CFAP54: variants seen among roughly 807,000 people sequenced by gnomAD.
CFAP54 encodes the protein cilia- and flagella-associated protein 54.
In CFAP54, 290 loss-of-function variants were observed where a neutral mutation model predicts 370.4. That is an observed-to-expected ratio of 0.78 (90% CI 0.71 to 0.86). The LOEUF (loss-of-function observed/expected upper bound fraction) is 0.86, where lower values mean the gene tolerates loss of function less well. Ranked by LOEUF, CFAP54 falls within the 40% of genes least tolerant of loss-of-function variation. The pLI is 0.00. For synonymous variants in CFAP54, 1,206 were observed against 1,236.5 expected, an observed-to-expected ratio of 0.98 and a Z score of 0.52; for missense variants, 3,399 against 3,528.7, an observed-to-expected ratio of 0.96 and a Z score of 0.93.
chr12:96,704,461 T>C (rs1410881061), intron 46 of CFAP54, among the ~76,000 whole-genome samples: 5 of 25,882 alleles, frequency 1.9e-4, no homozygotes, highest in Non-Finnish European at 3.6e-4. Context: ...TGTATATATA[T>C]ATATATATAT....
chr12:96,874,692 C>G (rs1462616194), intron 67 of CFAP54, among the ~76,000 whole-genome samples: 5 of 129,074 alleles, frequency 3.9e-5, no homozygotes, highest in Non-Finnish European at 7.8e-5. Flanking sequence ...TGCAGTGGCG[C>G]GATCTCGGCT....
chr12:96,727,744 G>A (rs375792786), intron 50 of CFAP54, among the ~76,000 whole-genome samples: 14 of 151,594 alleles, frequency 9.2e-5, no homozygotes, highest in South Asian at 4.2e-4. Flanking sequence ...TATTTTGCTC[G>A]TTAGTTGATG....
chr12:96,632,771 A>G (rs1445153179), intron 32 of CFAP54, among the ~76,000 whole-genome samples: 3 of 152,050 alleles, frequency 2.0e-5, no homozygotes, highest in African/African-American at 4.8e-5. Flanking sequence ...AAACTCTATT[A>G]TGATTTTGAT....
chr12:96,815,261 A>G (rs1427520555), intron 64 of CFAP54, among the ~76,000 whole-genome samples: 1 of 152,100 alleles, frequency 6.6e-6, no homozygotes, highest in Non-Finnish European at 1.5e-5. Context: ...CTGGTGTGAG[A>G]TGGTATCTCA....
chr12:96,691,054 G>A (rs1592710560), intron 43 of CFAP54, 74 bp from the exon 44 acceptor site: 9 of 1,303,170 alleles, frequency 6.9e-6, no homozygotes, highest in Non-Finnish European at 8.7e-6. Context: ...AGCAATACAT[G>A]TATTTATCTT....
chr12:96,758,622 A>G (rs1208668537), intron 58 of CFAP54, among the ~76,000 whole-genome samples: 1 of 152,182 alleles, frequency 6.6e-6, no homozygotes, highest in African/African-American at 2.4e-5. Context: ...ATTTGGAGCT[A>G]GGAATAACTT....
At position 96,600,979 on chromosome 12, in the gene CFAP54, A is replaced by C. The variant is rs576724341; in HGVS notation, c.3639+2212A>C. On this transcript the variant is annotated intron_variant, in intron 26 of 67. Transcript: ENST00000524981. ...TTTCTCTTACCCGATTGACCTGGCCAGAATTTCCAATACTATGTTGAATAG... is the reference window on the plus strand; with the variant it reads ...TTTCTCTTACCCGATTGACCTGGCCCGAATTTCCAATACTATGTTGAATAG... Among the ~76,000 whole-genome samples, 347 of 152,324 alleles carry C rather than the reference A, an allele frequency of 2.3e-3. 1 individual carries two copies. Among genetic ancestry groups the C allele is most frequent in the Admixed American group, 6.5e-3 (100 of 15,296 alleles).
At chr12:96,845,178 T>C (rs1018820248) in intron 66 of CFAP54, among the ~76,000 whole-genome samples, 12 of 152,332 alleles carry the variant, frequency 7.9e-5, no homozygotes, top group African/African-American at 2.6e-4. Context: ...TGTATTAGGC[T>C]TATTTTACCA....
At chr12:96,753,054 T>C (rs1214964381) in intron 55 of CFAP54, among the ~76,000 whole-genome samples, 1 of 152,214 alleles carries the variant, frequency 6.6e-6, no homozygotes, top group African/African-American at 2.4e-5. Flanking sequence ...ATTTAATAAA[T>C]CTTAGCTCTT....
chr12:96,504,431 A>G (rs1198252393), intron 3 of CFAP54, among the ~76,000 whole-genome samples: 5 of 152,246 alleles, frequency 3.3e-5, no homozygotes, highest in African/African-American at 1.2e-4. Context: ...AAATCTATTG[A>G]TATAAAATAT....
chr12:96,581,132 C>A, intron 22 of CFAP54, 27 bp downstream of exon 22: 1 of 1,383,186 alleles, frequency 7.2e-7, no homozygotes, highest in Non-Finnish European at 9.4e-7. Flanking sequence ...CTAATTTTTT[C>A]CACTGTGTTT....
intron 55 of CFAP54, among the ~76,000 whole-genome samples, chr12:96,749,167 A>C (rs76759359): frequency 0.011 from 1,656 of 152,288 alleles, 23 homozygotes; most frequent in African/African-American, 0.037. Context: ...CAAGAGAATA[A>C]TGGAGTAGTA....
chr12:96,742,335 T>C (rs1368653961), intron 51 of CFAP54, 104 bp from the exon 52 acceptor site: 1 of 736,134 alleles, frequency 1.4e-6, no homozygotes, highest in African/African-American at 1.8e-5. Context: ...TGTAATACTG[T>C]GGAATGATAC....
intron 17 of CFAP54, among the ~76,000 whole-genome samples, chr12:96,562,267 T>C (rs1025108147): frequency 6.6e-6 from 1 of 152,158 alleles, no homozygotes; most frequent in African/African-American, 2.4e-5. Context: ...CCAATACCAC[T>C]ATTAAAAACC....
chr12:96,512,954 A>G (rs775482335), intron 4 of CFAP54, 32 bp from the exon 5 acceptor site: 15 of 1,403,300 alleles, frequency 1.1e-5, no homozygotes, highest in Middle Eastern at 1.8e-4. Context: ...ATTTGACTGT[A>G]AAACATGTTA....
intron 44 of CFAP54, 66 bp downstream of exon 44, chr12:96,691,376 T>C: frequency 8.2e-7 from 1 of 1,217,226 alleles, no homozygotes; most frequent in Non-Finnish European, 1.1e-6. Context: ...CCTCATACTT[T>C]TAAAATTTTG....
At chr12:96,691,482 C>A (rs1028185125) in intron 44 of CFAP54, among the ~76,000 whole-genome samples, 172 bp downstream of exon 44, 1 of 152,102 alleles carries the variant, frequency 6.6e-6, no homozygotes, top group East Asian at 1.9e-4. Context: ...AATTAATATT[C>A]TTTCTTTGCA....
chr12:96,812,558 T>C (rs1958938201), intron 64 of CFAP54, among the ~76,000 whole-genome samples: 1 of 152,204 alleles, frequency 6.6e-6, no homozygotes, highest in African/African-American at 2.4e-5. Flanking sequence ...TGATCATAAC[T>C]GCTCTGCCTG....
chr12:96,737,854 C>G (rs942495212), intron 50 of CFAP54, among the ~76,000 whole-genome samples: 2 of 152,110 alleles, frequency 1.3e-5, no homozygotes, highest in African/African-American at 4.8e-5. Flanking sequence ...CTTCTGGGAG[C>G]CTTCTTATAG....
Sources: allele counts gnomAD v4.1 joint callset (sites outside exome capture counted in the v4.1 genomes callset), GRCh38; gene constraint gnomAD v4.1.1; transcripts MANE v1.5; gene names NCBI Gene and HGNC (gene_info 2026-07-23, HGNC 2026-07-21).